Variants in ADAMTS12 observed in about 807,000 individuals in gnomAD.
ADAMTS12 encodes ADAM metallopeptidase with thrombospondin type 1 motif 12.
A neutral mutation model predicts 167.8 loss-of-function variants in ADAMTS12; 118 were observed. That is an observed-to-expected ratio of 0.70 (90% CI 0.61 to 0.82). The LOEUF is 0.82. Among genes scored for constraint, ADAMTS12 ranks in the 40% least tolerant of loss-of-function variants. ADAMTS12 has a pLI of 0.00. For synonymous variants in ADAMTS12, 704 were observed against 716.9 expected (o/e 0.98, Z 0.29); for missense variants, 1,916 against 1,998.8 (o/e 0.96, Z 0.79).
intron 22 of ADAMTS12, among the ~76,000 whole-genome samples, chr5:33,535,250 C>T (rs1052608274): frequency 6.6e-5 from 10 of 152,282 alleles, no homozygotes; most frequent in East Asian, 1.9e-4. Context: ...CTTTTTCACA[C>T]GTTTGAGAAT....
At chr5:33,866,537 C>A in intron 2 of ADAMTS12, among the ~76,000 whole-genome samples, 1 of 151,942 alleles carries the variant, frequency 6.6e-6, no homozygotes, top group African/African-American at 2.4e-5. Flanking sequence ...TTGGCCTATG[C>A]AAAATATTTA....
intron 1 of ADAMTS12, among the ~76,000 whole-genome samples, chr5:33,885,792 G>C (rs1750615199): frequency 1.3e-5 from 2 of 152,220 alleles, no homozygotes; most frequent in East Asian, 1.9e-4. Flanking sequence ...TAGAGCTCGA[G>C]GTCTTCTCAG....
intron 2 of ADAMTS12, among the ~76,000 whole-genome samples, chr5:33,809,890 G>A (rs1022456149): frequency 6.6e-6 from 1 of 151,532 alleles, no homozygotes; most frequent in Non-Finnish European, 1.5e-5. Flanking sequence ...ACTGGGGGTG[G>A]GGGTGAAAGA....
chr5:33,775,485 C>G (rs566862720), intron 2 of ADAMTS12, among the ~76,000 whole-genome samples: 3 of 152,198 alleles, frequency 2.0e-5, no homozygotes, highest in African/African-American at 7.2e-5. Flanking sequence ...CAAAAATATG[C>G]AAAGTTTCTT....
chr5:33,630,903 A>G lies in ADAMTS12; in HGVS notation c.1899T>C (p.Cys633=). ...CATCTATGGGTCGGCAGTAGAGCTC[A>G]CAAGGATGTGCTGAAGGGAAAAAAG... ...WFPIFNPAHP[C]ELYCRPIDGQ... The change falls in exon 13 of 24, where the codon TGT becomes TGC. Residue 633 remains cysteine, a synonymous_variant. Transcript: ENST00000504830. 6.2e-7 allele frequency: 1 copy of G among 1,613,344 alleles called. No homozygotes were observed. Among genetic ancestry groups the G allele is most frequent in the Non-Finnish European group, 8.5e-7 (1 of 1,179,432 alleles).
rs1159313692 is a variant in ADAMTS12, at chr5:33,576,602, G to C, written c.3424C>G (p.Pro1142Ala). 6.2e-7 allele frequency: 1 copy of C among 1,614,092 alleles called. No individual in the cohort carries two copies. The highest frequency in any genetic ancestry group is 1.7e-5 in the Admixed American group (1 of 60,004). Residue 1142 changes from proline (P) to alanine (A), a missense_variant, in exon 19 of 24, where the codon CCA (proline) becomes GCA (alanine). Physicochemically the swap from Pro to Ala is conservative, Grantham distance 27. Coordinates refer to ENST00000504830, the MANE Select transcript of ADAMTS12 (RefSeq NM_030955.4). ...SRNPITWPVT[P>A]FYNTLTKGPE... ...CCTTTGGTCAAGGTATTGTAAAATG[G>C]AGTCACAGGCCAAGTGATAGGGTTG...
chr5:33,692,650 T>C (rs1742593012), intron 3 of ADAMTS12, among the ~76,000 whole-genome samples: 1 of 152,156 alleles, frequency 6.6e-6, no homozygotes. Context: ...AGGCACTATC[T>C]CTTCTCAGAG....
intron 2 of ADAMTS12, among the ~76,000 whole-genome samples, chr5:33,798,646 G>A (rs1010488809): frequency 3.3e-5 from 5 of 152,010 alleles, no homozygotes; most frequent in South Asian, 4.2e-4. Flanking sequence ...CACCATGTTG[G>A]CCAGGCTGGT....
intron 20 of ADAMTS12, among the ~76,000 whole-genome samples, chr5:33,551,884 A>G (rs1307842315): frequency 2.6e-5 from 4 of 152,228 alleles, no homozygotes; most frequent in Admixed American, 2.0e-4. Flanking sequence ...TTGTGTGCTG[A>G]ATGACAATTG....
intron 16 of ADAMTS12, among the ~76,000 whole-genome samples, chr5:33,608,877 A>G (rs1312612751): frequency 2.6e-5 from 4 of 152,150 alleles, no homozygotes; most frequent in African/African-American, 9.7e-5. Context: ...GGGAAACAAG[A>G]AGCTAGAAAC....
At chr5:33,544,125 C>A (rs944941950) in intron 22 of ADAMTS12, among the ~76,000 whole-genome samples, 3 of 152,286 alleles carry the variant, frequency 2.0e-5, no homozygotes, top group South Asian at 4.1e-4. Context: ...ATCGTCTCAG[C>A]CCCAAATCTC....
At chr5:33,604,072 C>T (rs1158862350) in intron 16 of ADAMTS12, among the ~76,000 whole-genome samples, 3 of 152,086 alleles carry the variant, frequency 2.0e-5, no homozygotes, top group Non-Finnish European at 2.9e-5. Context: ...AACCAAGGAA[C>T]GCCAGTACAG....
In ADAMTS12 at chr5:33,530,166, C is replaced by T. The variant is rs1017817329; in HGVS notation, c.4607-2800G>A. Among the ~76,000 whole-genome samples the T allele has an allele frequency of 2.2e-4, 33 of 152,030 alleles. 1 individual carries two copies. The highest frequency in any genetic ancestry group is 7.4e-5 in the Non-Finnish European group (5 of 67,992). On this transcript the variant is annotated intron_variant, in intron 23 of 23. Coordinates refer to ENST00000504830, the MANE Select transcript of ADAMTS12 (RefSeq NM_030955.4). Reference sequence around the variant, plus strand: ...GTCTTGAACTCCTGACCTCGAATGACCTGCCTGCCTCGGCCTCCCAAAGTG... The same window carrying T: ...GTCTTGAACTCCTGACCTCGAATGATCTGCCTGCCTCGGCCTCCCAAAGTG...
intron 2 of ADAMTS12, among the ~76,000 whole-genome samples, chr5:33,784,242 C>T (rs1746251151): frequency 6.6e-6 from 1 of 151,738 alleles, no homozygotes; most frequent in Admixed American, 6.6e-5. Context: ...GTGTCTACAG[C>T]TAACCTCATA....
intron 22 of ADAMTS12, among the ~76,000 whole-genome samples, chr5:33,535,501 G>A (rs1351950453): frequency 1.3e-5 from 2 of 152,150 alleles, no homozygotes; most frequent in East Asian, 3.9e-4. Context: ...TAGAATGAGT[G>A]AAAACCAGAT....
At chr5:33,767,782 A>G (rs2112420316) in intron 2 of ADAMTS12, among the ~76,000 whole-genome samples, 1 of 152,266 alleles carries the variant, frequency 6.6e-6, no homozygotes, top group Non-Finnish European at 1.5e-5. Context: ...ATAGGGAGGA[A>G]GAAAGAAGGA....
At chr5:33,882,699 C>G (rs942954266) in intron 1 of ADAMTS12, among the ~76,000 whole-genome samples, 1 of 152,110 alleles carries the variant, frequency 6.6e-6, no homozygotes, top group African/African-American at 2.4e-5. Flanking sequence ...TCAGGTGATT[C>G]TCCTACCTCA....
intron 2 of ADAMTS12, among the ~76,000 whole-genome samples, chr5:33,871,626 T>A (rs1750040137): frequency 6.6e-6 from 1 of 151,232 alleles, no homozygotes; most frequent in African/African-American, 2.4e-5. Context: ...GAAAAAAAAC[T>A]AGTAAAAATT....
At position 33,557,001 on chromosome 5, in the gene ADAMTS12, T is replaced by C. The variant is rs563952931; in HGVS notation, c.4125+4026A>G. Among the ~76,000 whole-genome samples, 19 of 152,356 alleles carry C rather than the reference T, an allele frequency of 1.2e-4. No individual in the cohort carries two copies. In the South Asian group the frequency reaches 3.5e-3, roughly 28 times the overall value. ...TGCAACATGACCTTTGGTGTAGTCA[T>C]GAACCTGACATATGTATATGAGAAA... is the stretch of plus-strand genomic sequence containing the variant. On this transcript the variant is annotated intron_variant, in intron 20 of 23. Transcript: ENST00000504830.
Sources: allele counts gnomAD v4.1 joint callset (sites outside exome capture counted in the v4.1 genomes callset), GRCh38; gene constraint gnomAD v4.1.1; transcripts MANE v1.5; gene names NCBI Gene and HGNC (gene_info 2026-07-23, HGNC 2026-07-21).